ESR1: variants seen among roughly 807,000 people sequenced by gnomAD.
The protein encoded by ESR1 is estrogen receptor 1.
A neutral mutation model predicts 52.7 loss-of-function variants in ESR1; 12 were observed. The observed-to-expected ratio is 0.23, with a 90% CI of 0.15 to 0.37. ESR1 has a LOEUF of 0.37. Ranked by LOEUF, ESR1 falls within the 10% of genes least tolerant of loss-of-function variation. ESR1 has a pLI of 1.00. For synonymous variants in ESR1, 305 were observed against 316.8 expected, an observed-to-expected ratio of 0.96 and a Z score of 0.39; for missense variants, 584 against 779.7, an observed-to-expected ratio of 0.75 and a Z score of 2.99.
upstream of ESR1, among the ~76,000 whole-genome samples, chr6:151,686,634 G>A (rs1413951013): frequency 2.6e-5 from 4 of 152,172 alleles, no homozygotes; most frequent in Non-Finnish European, 5.9e-5. Context: ...CTTGCAGTGA[G>A]CCGAGATGGC....
intron 4 of ESR1, among the ~76,000 whole-genome samples, chr6:152,002,437 A>C (rs755021691): frequency 6.6e-6 from 1 of 151,992 alleles, no homozygotes; most frequent in Non-Finnish European, 1.5e-5. Flanking sequence ...ACTGATGACA[A>C]TAGTATTTGA....
At chr6:151,878,706 T>G (rs1792271264) in intron 2 of ESR1, among the ~76,000 whole-genome samples, 1 of 152,152 alleles carries the variant, frequency 6.6e-6, no homozygotes, top group Non-Finnish European at 1.5e-5. Flanking sequence ...GGTGGGAGAA[T>G]GAGAACCATG....
chr6:152,020,573 A>G (rs2043555403), intron 5 of ESR1, among the ~76,000 whole-genome samples: 1 of 151,850 alleles, frequency 6.6e-6, no homozygotes, highest in Admixed American at 6.6e-5. Context: ...GCCTCAGCCT[A>G]CAGAGTAGTT....
chr6:151,672,631 C>T (rs914365793), intron 1 of ESR1, among the ~76,000 whole-genome samples: 4 of 152,072 alleles, frequency 2.6e-5, no homozygotes, highest in African/African-American at 9.7e-5. Context: ...GCCACTGCGC[C>T]AGGTCATTTT....
At chr6:151,901,462 C>T (rs949833103) in intron 3 of ESR1, among the ~76,000 whole-genome samples, 4 of 152,142 alleles carry the variant, frequency 2.6e-5, no homozygotes, top group Admixed American at 2.6e-4. Flanking sequence ...CAGGTGACTT[C>T]ATGTTTGGTT....
chr6:151,678,921 G>A (rs1778354822), intron 1 of ESR1, among the ~76,000 whole-genome samples: 1 of 152,040 alleles, frequency 6.6e-6, no homozygotes, highest in Non-Finnish European at 1.5e-5. Flanking sequence ...TCCTGACCTT[G>A]TGATCCACCC....
intron 5 of ESR1, among the ~76,000 whole-genome samples, chr6:152,032,763 C>T (rs1220678486): frequency 2.0e-5 from 3 of 152,204 alleles, no homozygotes; most frequent in Non-Finnish European, 4.4e-5. Context: ...CTACCAATGA[C>T]TTTCTTCACA....
chr6:151,870,521 T>G (rs1223315201), intron 2 of ESR1, among the ~76,000 whole-genome samples: 1 of 152,248 alleles, frequency 6.6e-6, no homozygotes, highest in Non-Finnish European at 1.5e-5. Flanking sequence ...CCTGAAAGAC[T>G]TGTGAATGCG....
chr6:151,995,305 C>T (rs180776490), intron 4 of ESR1, among the ~76,000 whole-genome samples: 22 of 152,288 alleles, frequency 1.4e-4, no homozygotes, highest in Non-Finnish European at 2.9e-4. Context: ...TTCCATCCAT[C>T]TGTCCATCAG....
rs190775997 is a variant in ESR1 at position 151,781,332 on chromosome 6, G to A, written c.-70-26511G>A. 2.2e-4 allele frequency among the ~76,000 whole-genome samples: 33 copies of A among 152,332 alleles called. 1 individual carries two copies. In the South Asian group the frequency reaches 3.1e-3, roughly 14 times the overall value. On this transcript the variant is annotated intron_variant, in intron 2 of 2. Coordinates refer to the ESR1 transcript ENST00000404742. Reference sequence around the variant, plus strand: ...TGGATGTGTCTACATGGTGGAAGGCGGAAGGGCCAAGAGGTAAAATGTGGC... The same window carrying A: ...TGGATGTGTCTACATGGTGGAAGGCAGAAGGGCCAAGAGGTAAAATGTGGC...
Position 151,775,912 on chromosome 6 carries a change from G to C in ESR1, c.-70-31931G>C, listed in dbSNP as rs184722700. Reference sequence around the variant, plus strand: ...AGGGCAAGAAACGTCAGGCCCAGGGGTCTGGTTTAACCAGAAGAGGTGCTG... The same window carrying C: ...AGGGCAAGAAACGTCAGGCCCAGGGCTCTGGTTTAACCAGAAGAGGTGCTG... On this transcript the variant is annotated intron_variant, in intron 2 of 2. Coordinates refer to the ESR1 transcript ENST00000404742. Among the ~76,000 whole-genome samples the C allele has an allele frequency of 2.1e-3, 326 of 152,320 alleles. 2 individuals carry two copies. Among genetic ancestry groups the C allele is most frequent in the African/African-American group, 7.0e-3 (292 of 41,574 alleles).
At chr6:151,747,378 AT>A (rs1444675433) in intron 2 of ESR1, among the ~76,000 whole-genome samples, 2 of 152,278 alleles carry the variant, frequency 1.3e-5, no homozygotes, top group East Asian at 3.9e-4. Context: ...CTACAGAAAT[AT>A]TTCTGAAAGG....
intron 5 of ESR1, among the ~76,000 whole-genome samples, chr6:152,020,579 T>C (rs2043556376): frequency 6.6e-6 from 1 of 151,684 alleles, no homozygotes; most frequent in Non-Finnish European, 1.5e-5. Flanking sequence ...GCCTACAGAG[T>C]AGTTGGGATT....
intron 2 of ESR1, among the ~76,000 whole-genome samples, chr6:151,756,689 G>A (rs1207588988): frequency 6.6e-6 from 1 of 152,186 alleles, no homozygotes; most frequent in Non-Finnish European, 1.5e-5. Flanking sequence ...AATTCTAACT[G>A]GTGAAAATAA....
rs567510139 is a variant in ESR1, at chr6:151,943,816, C to G, written c.761-357C>G. Among the ~76,000 whole-genome samples, 22 of 152,300 alleles carry G rather than the reference C, an allele frequency of 1.4e-4. No individual in the cohort carries two copies. In the South Asian group the frequency reaches 4.6e-3, roughly 32 times the overall value. On this transcript the variant is annotated intron_variant, in intron 3 of 7. Transcript: ENST00000206249. ...TATAACACCTGTTACACACACACCC[C>G]TACCTAGTGTGTCGGAATCAGTTTG...
At chr6:151,845,238 A>C (rs1393884385) in intron 2 of ESR1, among the ~76,000 whole-genome samples, 1 of 152,180 alleles carries the variant, frequency 6.6e-6, no homozygotes, top group African/African-American at 2.4e-5. Flanking sequence ...CTCAAGTTCA[A>C]ACATTTTGAA....
intron 3 of ESR1, among the ~76,000 whole-genome samples, chr6:151,889,824 C>T (rs1350200728): frequency 2.6e-5 from 4 of 151,972 alleles, no homozygotes; most frequent in Non-Finnish European, 5.9e-5. Context: ...TTGCTGCATC[C>T]CACAAATTTT....
chr6:152,099,101 C>T lies in ESR1; in HGVS notation c.*135C>T. On this transcript the variant is annotated 3_prime_UTR_variant, in exon 8 of 8. Coordinates refer to ENST00000206249, the MANE Select transcript of ESR1 (RefSeq NM_000125.4). ...CACCAATGGCTTTCTAGATGAGTGG[C>T]CATTCATTTGCTTGCTCAGTTCTTA... 1.4e-6 allele frequency: 1 copy of T among 719,268 alleles called. No homozygotes were observed. The highest frequency in any genetic ancestry group is 2.4e-6 in the Non-Finnish European group (1 of 409,054). The allele number at this position is 719,268 out of a possible 1,614,324, so 44.6% of individuals were successfully genotyped here. A position where few individuals can be genotyped will look rare whatever the true frequency, so the allele number is the denominator to read the frequency against.
chr6:151,953,297 C>T (rs944780581), intron 4 of ESR1, among the ~76,000 whole-genome samples: 2 of 152,108 alleles, frequency 1.3e-5, no homozygotes, highest in Non-Finnish European at 2.9e-5. Context: ...AACTTTGCTG[C>T]CTTACAATGG....
Sources: gnomAD v4.1 joint callset for allele counts (sites outside exome capture counted in the v4.1 genomes callset) on GRCh38, gnomAD v4.1.1 for gene constraint, MANE v1.5 for transcripts, NCBI Gene and HGNC (gene_info 2026-07-23, HGNC 2026-07-21) for gene names.